DIS3L: variants seen among roughly 807,000 people sequenced by gnomAD.
The protein encoded by DIS3L is DIS3-like exonuclease 1.
A neutral mutation model predicts 120.3 loss-of-function variants in DIS3L; 100 were observed. The ratio of observed to expected loss-of-function variants is 0.83; its 90% confidence interval spans 0.71 to 0.98. The LOEUF is 0.98. Among genes scored for constraint, DIS3L ranks in the 50% least tolerant of loss-of-function variants. The pLI is 0.00. For missense variants in DIS3L, 1,196 were observed against 1,314.2 expected (o/e 0.91, Z 1.39); for synonymous variants, 426 against 470.6 (o/e 0.91, Z 1.23).
chr15:66,312,759 T>C (rs2092775124), intron 5 of DIS3L, among the ~76,000 whole-genome samples: 1 of 152,198 alleles, frequency 6.6e-6, no homozygotes, highest in Admixed American at 6.5e-5. Flanking sequence ...TGCATAGATT[T>C]GTGTGTCCAC....
At chr15:66,316,302 C>G (rs2092816209) in intron 7 of DIS3L, among the ~76,000 whole-genome samples, 1 of 143,068 alleles carries the variant, frequency 7.0e-6, no homozygotes, top group Non-Finnish European at 1.6e-5. Flanking sequence ...TGGGGTTATC[C>G]TTGACTTTTT....
intron 12 of DIS3L, among the ~76,000 whole-genome samples, chr15:66,327,171 G>T (rs546348602): frequency 6.6e-6 from 1 of 151,132 alleles, no homozygotes; most frequent in South Asian, 2.1e-4. Context: ...CTCATGATTC[G>T]CCCGTCTCGG....
intron 7 of DIS3L, among the ~76,000 whole-genome samples, chr15:66,317,809 T>C (rs953490281): frequency 6.7e-6 from 1 of 149,762 alleles, no homozygotes; most frequent in African/African-American, 2.5e-5. Context: ...CAGTGCACTC[T>C]AGCCTGGGCA....
At chr15:66,328,766 T>C (rs1021920010) in intron 12 of DIS3L, among the ~76,000 whole-genome samples, 1 of 152,206 alleles carries the variant, frequency 6.6e-6, no homozygotes, top group Admixed American at 6.5e-5. Flanking sequence ...AAGAAATGTA[T>C]TTAAATTCTG....
intron 2 of DIS3L, among the ~76,000 whole-genome samples, chr15:66,303,847 T>A (rs1020466963): frequency 5.3e-5 from 8 of 151,922 alleles, no homozygotes; most frequent in African/African-American, 1.9e-4. Flanking sequence ...ATCCCAGCAC[T>A]TTGGGAGGCC....
chr15:66,326,093 G>T lies in DIS3L; in HGVS notation c.1930G>T (p.Asp644Tyr). 6.2e-7 allele frequency: 1 copy of T among 1,614,206 alleles called. No individual in the cohort carries two copies. The highest frequency in any genetic ancestry group is 8.5e-7 in the Non-Finnish European group (1 of 1,180,040). The change falls in exon 12 of 17, where the codon GAC becomes TAC. Residue 644 changes from aspartate (D) to tyrosine (Y), a missense_variant. Physicochemically the swap from Asp to Tyr is radical, Grantham distance 160. Transcript: ENST00000319212. Reference protein sequence around the residue: ...DIARHVRAKRDGCGALELEGV... With the variant: ...DIARHVRAKRYGCGALELEGV... The stretch of plus-strand genomic sequence containing the variant: ...AGCTCGCCATGTCAGAGCTAAACGA[G>T]ACGGATGTGGTGCCCTGGAACTGGA...
At chr15:66,327,536 T>TC (rs1388323307) in intron 12 of DIS3L, among the ~76,000 whole-genome samples, 1 of 151,910 alleles carries the variant, frequency 6.6e-6, no homozygotes, top group Non-Finnish European at 1.5e-5. Context: ...GGCGGGCAGA[T>TC]CACGAGGTCA....
chr15:66,303,920 C>T (rs969607656), intron 2 of DIS3L, among the ~76,000 whole-genome samples: 12 of 150,740 alleles, frequency 8.0e-5, no homozygotes, highest in African/African-American at 2.2e-4. Flanking sequence ...TGAACCCCGT[C>T]GCTACTAAAA....
In DIS3L at chr15:66,325,930, C is replaced by T; in HGVS notation, c.1767C>T (p.Phe589=). The change falls in exon 12 of 17, where the codon TTC becomes TTT. Residue 589 remains phenylalanine (F), a synonymous_variant. Transcript: ENST00000319212. ...RTIIRSAYKL[F]YEAAQELLDG... ...TTATTCGATCAGCATACAAACTGTTCTATGAAGCAGCCCAAGAACTACTGG... is the reference window on the plus strand; with the variant it reads ...TTATTCGATCAGCATACAAACTGTTTTATGAAGCAGCCCAAGAACTACTGG... The T allele has an allele frequency of 6.2e-7, 1 of 1,614,116 alleles. No individual in the cohort carries two copies. The highest frequency in any genetic ancestry group is 8.5e-7 in the Non-Finnish European group (1 of 1,180,030).
chr15:66,328,965 G>A lies in DIS3L; in HGVS notation c.2202-5G>A, dbSNP rs2092967111. On this transcript the variant is annotated splice_region_variant and splice_polypyrimidine_tract_variant and intron_variant, in intron 12 of 16. Coordinates refer to ENST00000319212, the MANE Select transcript of DIS3L (RefSeq NM_001143688.3). ...CTAGCTAACGGTTTTTCTGTTCTTT[G>A]TCAGGTCCAATAAAACACTGGCTGA... 1.2e-6 allele frequency: 2 copies of A among 1,608,858 alleles called. No individual in the cohort carries two copies. Among genetic ancestry groups the A allele is most frequent in the Non-Finnish European group, 1.7e-6 (2 of 1,178,686 alleles).
intron 12 of DIS3L, among the ~76,000 whole-genome samples, chr15:66,327,035 T>C (rs941636129): frequency 6.6e-6 from 1 of 151,174 alleles, no homozygotes; most frequent in South Asian, 2.1e-4. Flanking sequence ...GTTCAAGCGA[T>C]TCTCTTGACT....
At chr15:66,316,683 G>A (rs1293678577) in intron 7 of DIS3L, among the ~76,000 whole-genome samples, 2 of 152,146 alleles carry the variant, frequency 1.3e-5, no homozygotes, top group South Asian at 2.1e-4. Flanking sequence ...GGGCGAGGTG[G>A]TGCACACCTG....
At chr15:66,319,723 C>T (rs1421264935) in intron 8 of DIS3L, among the ~76,000 whole-genome samples, 1 of 152,024 alleles carries the variant, frequency 6.6e-6, no homozygotes, top group Non-Finnish European at 1.5e-5. Flanking sequence ...GCCAGTTGCA[C>T]CTAATACATT....
intron 11 of DIS3L, among the ~76,000 whole-genome samples, chr15:66,325,190 T>C (rs1454587117): frequency 6.6e-6 from 1 of 152,124 alleles, no homozygotes; most frequent in Non-Finnish European, 1.5e-5. Context: ...GCTCAGGAGT[T>C]TGAGGCCAGC....
chr15:66,318,685 A>G, intron 8 of DIS3L, 67 bp downstream of exon 8: 2 of 1,504,118 alleles, frequency 1.3e-6, no homozygotes, highest in Non-Finnish European at 1.8e-6. Context: ...CCAGCTTTTT[A>G]GCAGTACCAG....
At chr15:66,299,793 C>T (rs546328208) in intron 2 of DIS3L, among the ~76,000 whole-genome samples, 9 of 152,304 alleles carry the variant, frequency 5.9e-5, no homozygotes, top group Middle Eastern at 3.4e-3. Flanking sequence ...CGGTGGCTCA[C>T]GCCTGTAATC....
chr15:66,293,461 A>G, upstream of DIS3L: 7 of 1,219,244 alleles, frequency 5.7e-6, no homozygotes, highest in Non-Finnish European at 7.1e-6. Flanking sequence ...TGGAGCGTGT[A>G]GCTCCGGGCC....
chr15:66,309,953 G>C (rs1322925435), intron 4 of DIS3L, among the ~76,000 whole-genome samples: 1 of 152,224 alleles, frequency 6.6e-6, no homozygotes, highest in Non-Finnish European at 1.5e-5. Flanking sequence ...TCTTTGGGCT[G>C]TCTCAGCAAC....
At chr15:66,293,536 G>C, upstream of DIS3L, 19 of 1,339,200 alleles carry the variant, frequency 1.4e-5, no homozygotes, top group Non-Finnish European at 1.7e-5. Flanking sequence ...GGGCGGGTCC[G>C]AGGCCGCGGC....
Sources: gnomAD v4.1 joint callset for allele counts (sites outside exome capture counted in the v4.1 genomes callset) on GRCh38, gnomAD v4.1.1 for gene constraint, MANE v1.5 for transcripts, NCBI Gene and HGNC (gene_info 2026-07-23, HGNC 2026-07-21) for gene names.